Variants in MYH8 observed in about 807,000 individuals in gnomAD.
MYH8 encodes myosin heavy chain 8.
A neutral mutation model predicts 233.2 loss-of-function variants in MYH8; 168 were observed. That is an observed-to-expected ratio of 0.72 (90% CI 0.64 to 0.82). The LOEUF is 0.82. Among genes scored for constraint, MYH8 ranks in the 40% least tolerant of loss-of-function variants. The pLI is 0.00. For synonymous variants in MYH8, 785 were observed against 850.6 expected (o/e 0.92, Z 1.34); for missense variants, 1,995 against 2,327.8 (o/e 0.86, Z 2.94).
At position 10,401,330 on chromosome 17, in the gene MYH8, TC is replaced by T. The variant is rs1323911126; in HGVS notation, c.3052del (p.Asp1018ThrfsTer6). The T allele has an allele frequency of 6.2e-7, 1 of 1,614,208 alleles. No individual in the cohort carries two copies. Among genetic ancestry groups the T allele is most frequent in the East Asian group, 2.2e-5 (1 of 44,882 alleles). On this transcript the variant is annotated frameshift_variant, in exon 24 of 40. Coordinates refer to ENST00000403437, the MANE Select transcript of MYH8 (RefSeq NM_002472.3). LOFTEE classifies it high-confidence loss of function. ...AGCTTTGGTCAGGATGTTGACTTTG[TC>T]CTCCTCTGCCTGCAGGTCATCCAGG... ...QTLDDLQAEE[D>X]KVNILTKAKT...
At position 10,414,459 on chromosome 17, in the gene MYH8, A is replaced by C; in HGVS notation, c.831T>G (p.Thr277=). 1 of 1,612,870 alleles carries C rather than the reference A, an allele frequency of 6.2e-7. No homozygotes were observed. Among genetic ancestry groups the C allele is most frequent in the Non-Finnish European group, 8.5e-7 (1 of 1,178,940 alleles). Residue 277 remains threonine, a synonymous_variant, in exon 10 of 40, where the codon ACT becomes ACG. Coordinates refer to ENST00000403437, the MANE Select transcript of MYH8 (RefSeq NM_002472.3). ...ETYLLEKSRV[T]FQLKAERSYH... Reference sequence around the variant, plus strand: ...AGCTTCTTTCCGCCTTTAGCTGGAAAGTAACTCTGGACTTTTCTAAAAGAT... The same window carrying C: ...AGCTTCTTTCCGCCTTTAGCTGGAACGTAACTCTGGACTTTTCTAAAAGAT...
chr17:10,391,605 G>T (rs1323558992), intron 39 of MYH8, among the ~76,000 whole-genome samples: 2 of 152,072 alleles, frequency 1.3e-5, no homozygotes, highest in African/African-American at 2.4e-5. Context: ...ACTTGAGCTT[G>T]GGAGGCAGAG....
At chr17:10,392,375 C>T (rs142392003) in intron 38 of MYH8, among the ~76,000 whole-genome samples, 167 bp downstream of exon 38, 1 of 152,170 alleles carries the variant, frequency 6.6e-6, no homozygotes, top group African/African-American at 2.4e-5. Flanking sequence ...ATCTGAAGGC[C>T]TCCCTAAGTT....
intron 22 of MYH8, among the ~76,000 whole-genome samples, chr17:10,402,370 C>T (rs2072150966): frequency 6.6e-6 from 1 of 152,112 alleles, no homozygotes; most frequent in Admixed American, 6.5e-5. Context: ...TAAAACCTTC[C>T]TGGTAGTTCA....
At position 10,399,394 on chromosome 17, in the gene MYH8, A is replaced by G. The variant is rs376296635; in HGVS notation, c.3862+149T>C. On this transcript the variant is annotated intron_variant, in intron 28 of 39. Transcript: ENST00000403437. ...GTGTTGTAAGTAAACTTGTCTGCTC[A>G]GTCTTGACTTCTTTCCTTTTTGACC... is the stretch of plus-strand genomic sequence containing the variant. The G allele has an allele frequency of 3.5e-5, 46 of 1,308,804 alleles. No individual in the cohort carries two copies. The South Asian group carries it at 5.7e-4, about 16-fold the overall frequency. 81.1% of individuals were successfully genotyped at this position (1,308,804 alleles called of 1,614,324 possible).
intron 17 of MYH8, 114 bp from the exon 18 acceptor site, chr17:10,407,093 G>A (rs1032064702): frequency 2.5e-6 from 2 of 796,076 alleles, no homozygotes; most frequent in Admixed American, 2.0e-5. Context: ...CATCTGTGAG[G>A]CTTCAATTGC....
Position 10,412,664 on chromosome 17 carries a change from G to T in MYH8, c.1212C>A (p.Tyr404Ter), listed in dbSNP as rs775053298. 1 of 1,614,106 alleles carries T rather than the reference G, an allele frequency of 6.2e-7. No homozygotes were observed. Among genetic ancestry groups the T allele is most frequent in the African/African-American group, 1.3e-5 (1 of 74,930 alleles). The change falls in exon 13 of 40, where the codon TAC becomes TAA. Residue 404 changes from tyrosine to a stop codon, truncating the protein, a stop_gained. Transcript: ENST00000403437. LOFTEE classifies it high-confidence loss of function. Reference protein sequence around the residue: ...NSADLLKALCYPRVKVGNEYV... With the variant: ...NSADLLKALC ...ACTCATTGCCAACCTTGACCCTAGG[G>T]TAGCAGAGGGCTTTGAGTAGGTCTG...
Position 10,400,410 on chromosome 17 carries a change from C to T in MYH8, c.3715G>A (p.Glu1239Lys). The T allele has an allele frequency of 6.2e-7, 1 of 1,613,628 alleles. No individual in the cohort carries two copies. Residue 1239 changes from glutamate (E) to lysine (K), a missense_variant, in exon 27 of 40, where the codon GAG (glutamate) becomes AAG (lysine). Physicochemically the swap from Glu to Lys is moderately conservative, Grantham distance 56. Around this residue, in one of 3 missense-constraint regions of MYH8, gnomAD observed 1,498 missense variants for 1,680.9 expected, o/e 0.89. Transcript: ENST00000403437. The surrounding 1 kb of genome is among the most constrained non-coding windows in gnomAD (Gnocchi z 4.0). ...METDDLSSNA[E>K]AISKAKGNLE... is the part of the protein sequence containing the mutation. The stretch of plus-strand genomic sequence containing the variant: ...GGTACCTTGGCTTTGGAAATGGCCT[C>T]TGCGTTACTGCTGAGGTCATCAGTC...
intron 37 of MYH8, 53 bp from the exon 38 acceptor site, chr17:10,392,699 C>A: frequency 6.2e-7 from 1 of 1,613,448 alleles, no homozygotes; most frequent in Non-Finnish European, 8.5e-7. Flanking sequence ...ATTAATTAGC[C>A]CAAGACCTAC....
In MYH8 at chr17:10,392,579, C is replaced by T. The variant is rs1242345525; in HGVS notation, c.5531G>A (p.Arg1844Gln). 19 of 1,614,136 alleles carry T rather than the reference C, an allele frequency of 1.2e-5. No individual in the cohort carries two copies. The highest frequency in any genetic ancestry group is 7.7e-5 in the South Asian group (7 of 91,076). ...TTCTTTTACTCGTCGCTCATGTTTC[C>T]GTAAACCTTTAACAGCCTCTGCATT... ...KRNAEAVKGL[R>Q]KHERRVKELT... is the part of the protein sequence containing the mutation. The change falls in exon 38 of 40, where the codon CGG (arginine) becomes CAG (glutamine). Residue 1844 changes from arginine (R) to glutamine (Q), a missense_variant. Arg to Gln is a conservative substitution (Grantham distance 43, BLOSUM62 1). This residue lies in a region of MYH8 where 1,498 missense variants were observed against 1,680.9 expected (regional missense o/e 0.89). Coordinates refer to ENST00000403437, the MANE Select transcript of MYH8 (RefSeq NM_002472.3).
intron 35 of MYH8, among the ~76,000 whole-genome samples, chr17:10,393,697 C>T (rs970850989): frequency 1.3e-5 from 2 of 152,140 alleles, no homozygotes; most frequent in Non-Finnish European, 2.9e-5. Flanking sequence ...GAAGCAATAT[C>T]GTCTCAACAG....
intron 4 of MYH8, 42 bp downstream of exon 4, chr17:10,418,845 C>T: frequency 1.9e-6 from 3 of 1,613,908 alleles, no homozygotes; most frequent in Non-Finnish European, 2.5e-6. Flanking sequence ...CGTTTTTACT[C>T]AGAGAGAGAC....
chr17:10,404,634 GTTA>G (rs2072174681), intron 21 of MYH8, 49 bp from the exon 22 acceptor site: 1 of 1,607,768 alleles, frequency 6.2e-7, no homozygotes, highest in Non-Finnish European at 8.5e-7. Context: ...CAGAGCCAAT[GTTA>G]TTGTTACTTA....
chr17:10,408,115 A>T (rs1362478974), intron 17 of MYH8, among the ~76,000 whole-genome samples: 1 of 151,624 alleles, frequency 6.6e-6, no homozygotes, highest in Non-Finnish European at 1.5e-5. Flanking sequence ...TAATTTTTAT[A>T]TTCTTAGTAA....
At position 10,406,082 on chromosome 17, in the gene MYH8, T is replaced by C; in HGVS notation, c.2391A>G (p.Gly797=). 6.2e-7 allele frequency: 1 copy of C among 1,614,086 alleles called. No individual in the cohort carries two copies. Among genetic ancestry groups the C allele is most frequent in the South Asian group, 1.1e-5 (1 of 91,080 alleles). The change falls in exon 21 of 40, where the codon GGA becomes GGG. Residue 797 remains glycine (G), a synonymous_variant. Transcript: ENST00000403437. The part of the protein sequence containing the change: ...IITRTQAVCR[G]FLMRVEYQKM... ...TCTGATATTCTACCCTCATTAGGAA[T>C]CCCCTACAGACAGCTTGTGTTCTTG...
chr17:10,406,495 A>T, intron 19 of MYH8, 98 bp from the exon 20 acceptor site: 2 of 1,565,726 alleles, frequency 1.3e-6, no homozygotes, highest in South Asian at 2.2e-5. Flanking sequence ...TGAGAGTAGA[A>T]ATAAAAGTGG....
chr17:10,401,237 A>T lies in MYH8; in HGVS notation c.3108+38T>A, dbSNP rs371196002. 6.3e-4 allele frequency: 1,019 copies of T among 1,613,604 alleles called. 8 individuals are homozygous for T. In the South Asian group the frequency reaches 8.0e-3, roughly 13 times the overall value. On this transcript the variant is annotated intron_variant, in intron 24 of 39. Transcript: ENST00000403437. ...GTAAAAATTGAAAGTATATATTTTT[A>T]AAAAAATCTTTCAAAGGGATATTTA...
In MYH8 at chr17:10,415,082, C is replaced by T. The variant is rs1567689452; in HGVS notation, c.805+34G>A. 6 of 1,592,500 alleles carry T rather than the reference C, an allele frequency of 3.8e-6. No individual in the cohort carries two copies. The highest frequency in any genetic ancestry group is 1.1e-5 in the South Asian group (1 of 90,608). ...TCCCTGCAAATGAAATCACTTGTCT[C>T]TCTGTTTTGATTTTCAATGGTCCTG... On this transcript the variant is annotated intron_variant, in intron 9 of 39. Transcript: ENST00000403437. The surrounding 1 kb of genome is among the most constrained non-coding windows in gnomAD (Gnocchi z 4.1).
chr17:10,419,052 A>G lies in MYH8; in HGVS notation c.211-22T>C. On this transcript the variant is annotated intron_variant, in intron 3 of 39. Transcript: ENST00000403437. This position sits in a 1 kb window ranked among gnomAD's most constrained non-coding sequence, Gnocchi z 4.0. ...GAGTCTGGTGAGTAAGCAAGAAACC[A>G]GTTCGTTTTTGTTTGTTTGTTTGAG... 1.2e-6 allele frequency: 2 copies of G among 1,613,892 alleles called. No individual in the cohort carries two copies. Among genetic ancestry groups the G allele is most frequent in the East Asian group, 2.2e-5 (1 of 44,858 alleles).
Sources: allele counts gnomAD v4.1 joint callset (sites outside exome capture counted in the v4.1 genomes callset), GRCh38; gene constraint gnomAD v4.1.1; regional missense constraint gnomAD v4.1.1; non-coding constraint Gnocchi (gnomAD v3.1); transcripts MANE v1.5; gene names NCBI Gene and HGNC (gene_info 2026-07-23, HGNC 2026-07-21).